Variants in RUNX2 observed in about 807,000 individuals in gnomAD.
The protein encoded by RUNX2 is runt-related transcription factor 2.
A neutral mutation model predicts 51.7 loss-of-function variants in RUNX2; 10 were observed. The ratio of observed to expected loss-of-function variants is 0.19; its 90% CI spans 0.12 to 0.33. The LOEUF is 0.33. RUNX2 is among the 10% of genes least tolerant of loss of function. The pLI, the probability that RUNX2 is intolerant of heterozygous loss-of-function variation, is 1.00. For synonymous variants in RUNX2, 276 were observed against 273.6 expected, an observed-to-expected ratio of 1.01 and a Z score of -0.09; for missense variants, 562 against 691.3, an observed-to-expected ratio of 0.81 and a Z score of 2.10.
intron 2 of RUNX2, among the ~76,000 whole-genome samples, chr6:45,343,393 A>G (rs557898056): frequency 6.6e-6 from 1 of 152,258 alleles, no homozygotes; most frequent in South Asian, 2.1e-4. Flanking sequence ...TACTGAGTGA[A>G]GAGCACCTGG....
intron 7 of RUNX2, among the ~76,000 whole-genome samples, chr6:45,538,420 C>G (rs1802106035): frequency 6.6e-6 from 1 of 152,070 alleles, no homozygotes; most frequent in Non-Finnish European, 1.5e-5. Flanking sequence ...TTAATTATGC[C>G]ACTCCAGGCA....
At chr6:45,543,948 ATAAGGGATCTCG>A (rs773471146) in intron 7 of RUNX2, among the ~76,000 whole-genome samples, 6 of 151,480 alleles carry the variant, frequency 4.0e-5, no homozygotes, top group Non-Finnish European at 8.8e-5. Context: ...TGATTATTTT[ATAAGGGATCTCG>A]TATGGTACTA....
intron 3 of RUNX2, among the ~76,000 whole-genome samples, chr6:45,427,539 G>A (rs1798417078): frequency 6.6e-6 from 1 of 152,074 alleles, no homozygotes; most frequent in Non-Finnish European, 1.5e-5. Flanking sequence ...TTATCTTTAA[G>A]TAATTGTGAT....
chr6:45,342,724 T>C (rs1391140129), intron 2 of RUNX2, among the ~76,000 whole-genome samples: 1 of 149,968 alleles, frequency 6.7e-6, no homozygotes, highest in East Asian at 2.0e-4. Context: ...TTCAAAAATT[T>C]AGTTAATAGT....
At chr6:45,351,287 C>T (rs1034877008) in intron 2 of RUNX2, among the ~76,000 whole-genome samples, 1 of 152,076 alleles carries the variant, frequency 6.6e-6, no homozygotes, top group Non-Finnish European at 1.5e-5. Context: ...TGCCCTCCTA[C>T]GCTATACTAA....
intron 2 of RUNX2, among the ~76,000 whole-genome samples, chr6:45,384,827 C>G (rs780166027): frequency 2.0e-5 from 3 of 150,454 alleles, no homozygotes; most frequent in Non-Finnish European, 4.4e-5. Flanking sequence ...AAGCAGTCCT[C>G]CCACCTGATG....
intron 2 of RUNX2, among the ~76,000 whole-genome samples, chr6:45,376,295 A>G (rs1230096799): frequency 6.6e-6 from 1 of 152,246 alleles, no homozygotes; most frequent in Non-Finnish European, 1.5e-5. Flanking sequence ...TAAATGTTCC[A>G]AAGAGCTGGC....
At chr6:45,544,812 C>A (rs978312092) in intron 7 of RUNX2, among the ~76,000 whole-genome samples, 5 of 152,212 alleles carry the variant, frequency 3.3e-5, no homozygotes, top group African/African-American at 1.2e-4. Context: ...AGGGCACAAG[C>A]ACTGGGCGGG....
intron 2 of RUNX2, among the ~76,000 whole-genome samples, chr6:45,389,160 G>A (rs985683522): frequency 6.6e-6 from 1 of 152,246 alleles, no homozygotes; most frequent in Non-Finnish European, 1.5e-5. Flanking sequence ...AATGAAACTT[G>A]AAGTTAGCCA....
intron 5 of RUNX2, among the ~76,000 whole-genome samples, chr6:45,466,902 A>T (rs1460263960): frequency 6.6e-6 from 1 of 152,242 alleles, no homozygotes; most frequent in Non-Finnish European, 1.5e-5. Context: ...TTATTTGGTC[A>T]GATTGTGCTA....
chr6:45,392,058 A>T (rs1296750887), intron 2 of RUNX2, among the ~76,000 whole-genome samples: 1 of 152,202 alleles, frequency 6.6e-6, no homozygotes, highest in East Asian at 1.9e-4. Flanking sequence ...CCAATCAGTT[A>T]AACAAACATA....
chr6:45,404,281 G>GAA (rs1797785520), intron 2 of RUNX2, among the ~76,000 whole-genome samples: 1 of 76,268 alleles, frequency 1.3e-5, no homozygotes, highest in Non-Finnish European at 2.7e-5. Flanking sequence ...AAAAGAAAAA[G>GAA]AAAAAAGAAA....
chr6:45,452,955 C>T (rs77666763), intron 5 of RUNX2, among the ~76,000 whole-genome samples: 3,070 of 152,312 alleles, frequency 0.02, 109 homozygotes, highest in African/African-American at 0.069. Context: ...AGCACCATCA[C>T]TGGTGGAGAA....
In RUNX2 at chr6:45,390,184, A is replaced by G. The variant is rs115129599; in HGVS notation, c.59-32409A>G. On this transcript the variant is annotated intron_variant, in intron 2 of 8. Transcript: ENST00000647337. ...AGATTCTTTGGCTTCCATGAATAGTATTTGGCTTCTCAGTAATGTGATAAT... is the reference window on the plus strand; with the variant it reads ...AGATTCTTTGGCTTCCATGAATAGTGTTTGGCTTCTCAGTAATGTGATAAT... Among the ~76,000 whole-genome samples the G allele has an allele frequency of 2.7e-3, 411 of 152,270 alleles. 3 individuals are homozygous for G. Among genetic ancestry groups the G allele is most frequent in the Middle Eastern group, 0.01 (3 of 294 alleles).
chr6:45,480,293 C>T lies in RUNX2; in HGVS notation c.686-11648C>T, dbSNP rs548817291. ...ATTTTGGAGTTTATATCATGTTACTCTTGCAGCTTAGAGAGAAATGATTTT... is the reference window on the plus strand; with the variant it reads ...ATTTTGGAGTTTATATCATGTTACTTTTGCAGCTTAGAGAGAAATGATTTT... On this transcript the variant is annotated intron_variant, in intron 5 of 8. Transcript: ENST00000647337. Among the ~76,000 whole-genome samples, 11 of 152,300 alleles carry T rather than the reference C, an allele frequency of 7.2e-5. No homozygotes were observed. In the East Asian group the frequency reaches 2.1e-3, roughly 29 times the overall value.
intron 5 of RUNX2, among the ~76,000 whole-genome samples, chr6:45,445,270 C>T (rs563913576): frequency 7.9e-5 from 12 of 152,092 alleles, no homozygotes; most frequent in Admixed American, 4.6e-4. Context: ...GTGATTCACC[C>T]GCCTCAGCTT....
intron 8 of RUNX2, 65 bp from the exon 9 acceptor site, chr6:45,546,762 A>G (rs1191432905): frequency 8.9e-6 from 12 of 1,354,820 alleles, no homozygotes; most frequent in Non-Finnish European, 9.5e-6. Flanking sequence ...TTCTTGTAAC[A>G]ATTCTATCAT....
chr6:45,434,638 A>G (rs1360096485), intron 4 of RUNX2, among the ~76,000 whole-genome samples: 1 of 152,132 alleles, frequency 6.6e-6, no homozygotes, highest in East Asian at 1.9e-4. Context: ...AAGGTTTTTC[A>G]TGGTTTTTCC....
rs566697809 is a variant in RUNX2 at position 45,547,554 on chromosome 6, C to A, written c.*249C>A. The A allele has an allele frequency of 3.6e-6, 2 of 548,582 alleles. No homozygotes were observed. The highest frequency in any genetic ancestry group is 1.9e-5 in the African/African-American group (1 of 52,966). The allele number at this position is 548,582 out of a possible 1,614,324, so 34.0% of individuals were successfully genotyped here. Reference sequence around the variant, plus strand: ...CAGATTGTTTACTATTTAAGATGTACTTTTACAAAGGAACAAAGAAGGGAA... The same window carrying A: ...CAGATTGTTTACTATTTAAGATGTAATTTTACAAAGGAACAAAGAAGGGAA... On this transcript the variant is annotated 3_prime_UTR_variant, in exon 9 of 9. Coordinates refer to ENST00000647337, the MANE Select transcript of RUNX2 (RefSeq NM_001024630.4).
Sources: gnomAD v4.1 joint callset for allele counts (sites outside exome capture counted in the v4.1 genomes callset) on GRCh38, gnomAD v4.1.1 for gene constraint, MANE v1.5 for transcripts, NCBI Gene and HGNC (gene_info 2026-07-23, HGNC 2026-07-21) for gene names.